Variants in SYT1 observed in about 807,000 individuals in gnomAD.
SYT1 encodes synaptotagmin 1, also known as synaptotagmin-1.
SYT1 carries 8 observed loss-of-function variants against 44.8 expected under a neutral mutation model. That is an observed-to-expected ratio of 0.18 (90% confidence interval 0.10 to 0.32). The LOEUF is 0.32. SYT1 is among the 10% of genes least tolerant of loss of function. The pLI, the probability that SYT1 is intolerant of heterozygous loss-of-function variation, is 1.00. For missense variants in SYT1, 286 were observed against 509.3 expected (o/e 0.56, Z 4.22); for synonymous variants, 154 against 188.8 (o/e 0.82, Z 1.51).
chr12:78,932,293 G>A (rs2137214848), intron 1 of SYT1, among the ~76,000 whole-genome samples: 1 of 152,246 alleles, frequency 6.6e-6, no homozygotes, highest in East Asian at 1.9e-4. Flanking sequence ...CCTGATAGTG[G>A]TGATGAGGGA....
intron 1 of SYT1, among the ~76,000 whole-genome samples, chr12:78,866,933 A>G (rs1873576916): frequency 6.6e-6 from 1 of 151,988 alleles, no homozygotes; most frequent in Non-Finnish European, 1.5e-5. Context: ...AGCTGAATTC[A>G]TTTGCCATCA....
intron 2 of SYT1, among the ~76,000 whole-genome samples, 168 bp downstream of exon 2, chr12:78,978,099 A>G (rs988823741): frequency 6.6e-6 from 1 of 152,162 alleles, no homozygotes; most frequent in East Asian, 1.9e-4. Context: ...TTAAGGGGAA[A>G]TTAGTGTTTG....
intron 9 of SYT1, chr12:79,393,139 C>G (rs1884733626): frequency 6.6e-6 from 1 of 152,018 alleles, no homozygotes; most frequent in African/African-American, 2.4e-5. Context: ...TGAACTCATC[C>G]TTTTTTGTGG....
chr12:78,981,164 G>A (rs1211769957), intron 2 of SYT1, among the ~76,000 whole-genome samples: 1 of 122,342 alleles, frequency 8.2e-6, no homozygotes, highest in Non-Finnish European at 1.6e-5. Flanking sequence ...TTTTGCTCAT[G>A]TTGCGCAGGC....
intron 3 of SYT1, among the ~76,000 whole-genome samples, chr12:79,076,629 G>A (rs895137851): frequency 2.0e-5 from 3 of 152,056 alleles, no homozygotes; most frequent in East Asian, 1.9e-4. Flanking sequence ...CATTCAGTGC[G>A]AGCATATTTA....
rs1197694535 is a variant in SYT1 at position 79,256,876 on chromosome 12, C to CGCAG, written c.167-28909_167-28906dup. Among the ~76,000 whole-genome samples, 3 of 152,172 alleles carry CGCAG rather than the reference C, an allele frequency of 2.0e-5. No homozygotes were observed. The South Asian group carries it at 6.2e-4, about 31-fold the overall frequency. On this transcript the variant is annotated intron_variant, in intron 4 of 10. Transcript: ENST00000261205. ...CACAATATGAGAATATTATATTTTA[C>CGCAG]GCAGGGTATACCCATGATTCATCTT...
At chr12:79,310,720 A>T (rs1880736875) in intron 8 of SYT1, among the ~76,000 whole-genome samples, 1 of 152,176 alleles carries the variant, frequency 6.6e-6, no homozygotes, top group African/African-American at 2.4e-5. Flanking sequence ...CTCCTTGAAG[A>T]GGTCCTTCAC....
chr12:78,942,930 A>T (rs990699382), intron 1 of SYT1, among the ~76,000 whole-genome samples: 1 of 152,198 alleles, frequency 6.6e-6, no homozygotes, highest in Non-Finnish European at 1.5e-5. Context: ...AACTGGTTAC[A>T]GTGCTTTGAG....
At chr12:78,876,726 A>AATTATAT (rs1312233644) in intron 1 of SYT1, among the ~76,000 whole-genome samples, 3 of 108,496 alleles carry the variant, frequency 2.8e-5, no homozygotes, top group Admixed American at 2.5e-4. Flanking sequence ...TATATAATAT[A>AATTATAT]ATTATATATT....
intron 2 of SYT1, among the ~76,000 whole-genome samples, chr12:79,018,583 G>A (rs1871970758): frequency 6.6e-6 from 1 of 152,078 alleles, no homozygotes; most frequent in African/African-American, 2.4e-5. Flanking sequence ...GGAAAGAGCT[G>A]CTAGAAGTGG....
intron 2 of SYT1, among the ~76,000 whole-genome samples, chr12:78,985,487 G>A (rs1869577919): frequency 6.6e-6 from 1 of 151,396 alleles, no homozygotes; most frequent in Non-Finnish European, 1.5e-5. Context: ...ATGTTACATA[G>A]AAGGAGAAAT....
chr12:78,866,273 T>C (rs957074502), intron 1 of SYT1, among the ~76,000 whole-genome samples: 5 of 152,194 alleles, frequency 3.3e-5, no homozygotes, highest in African/African-American at 1.2e-4. Context: ...TAGGACAATA[T>C]TTAATGGATG....
At chr12:79,089,453 C>T (rs1235318171) in intron 3 of SYT1, among the ~76,000 whole-genome samples, 1 of 149,752 alleles carries the variant, frequency 6.7e-6, no homozygotes, top group Non-Finnish European at 1.5e-5. Flanking sequence ...AGCATGGTAC[C>T]TGGTACATGC....
chr12:79,099,542 A>C (rs756179764), intron 3 of SYT1, among the ~76,000 whole-genome samples: 24 of 152,180 alleles, frequency 1.6e-4, no homozygotes, highest in Non-Finnish European at 3.1e-4. Flanking sequence ...AGGAATCACA[A>C]CTTCTCAGAT....
chr12:78,880,207 A>G (rs944009683), intron 1 of SYT1, among the ~76,000 whole-genome samples: 2 of 151,750 alleles, frequency 1.3e-5, no homozygotes, highest in African/African-American at 4.8e-5. Flanking sequence ...AGAGCCTCAC[A>G]AATAGTAATT....
chr12:79,067,526 G>C (rs1250625867), intron 3 of SYT1, among the ~76,000 whole-genome samples: 1 of 152,052 alleles, frequency 6.6e-6, no homozygotes, highest in Admixed American at 6.6e-5. Flanking sequence ...GAGTTCCTTA[G>C]AGAAAAATTT....
In SYT1 at chr12:78,870,407, A is replaced by G. The variant is rs539455745; in HGVS notation, c.-217+5298A>G. On this transcript the variant is annotated intron_variant, in intron 1 of 10. Coordinates refer to ENST00000261205, the MANE Select transcript of SYT1 (RefSeq NM_005639.3). ...TAATTTTAAAGTGCTTAGAGTTCCGATATTTTTTTATCAAAGGGTATTATA... is the reference window on the plus strand; with the variant it reads ...TAATTTTAAAGTGCTTAGAGTTCCGGTATTTTTTTATCAAAGGGTATTATA... 3.2e-3 allele frequency among the ~76,000 whole-genome samples: 487 copies of G among 152,182 alleles called. 1 individual carries two copies. The highest frequency in any genetic ancestry group is 5.3e-3 in the Non-Finnish European group (357 of 67,982).
intron 9 of SYT1, among the ~76,000 whole-genome samples, chr12:79,375,711 A>G (rs755375050): frequency 2.0e-5 from 3 of 152,206 alleles, no homozygotes; most frequent in Non-Finnish European, 2.9e-5. Flanking sequence ...TATTGCTCAT[A>G]GTGTCACAAC....
chr12:79,113,613 C>A (rs1318316053), intron 3 of SYT1, among the ~76,000 whole-genome samples: 1 of 152,114 alleles, frequency 6.6e-6, no homozygotes. Context: ...TAACCCAGTG[C>A]TTTCCAAACT....
Sources: allele counts gnomAD v4.1 joint callset (sites outside exome capture counted in the v4.1 genomes callset), GRCh38; gene constraint gnomAD v4.1.1; transcripts MANE v1.5; gene names NCBI Gene and HGNC (gene_info 2026-07-23, HGNC 2026-07-21).